Variants in HFM1 observed in about 807,000 individuals in gnomAD.
The protein encoded by HFM1 is probable ATP-dependent DNA helicase HFM1.
Under a neutral mutation model 192.1 loss-of-function variants are expected in HFM1, and 169 were observed. That is an observed-to-expected ratio of 0.88 (90% confidence interval 0.78 to 1.00). The LOEUF (loss-of-function observed/expected upper bound fraction) is 1.00, where lower values mean the gene tolerates loss of function less well. Among genes scored for constraint, HFM1 ranks in the 50% least tolerant of loss-of-function variants. The probability of loss-of-function intolerance (pLI) is 0.00; values close to 1 mark genes in which losing one functional copy is unlikely to be tolerated. For missense variants in HFM1, 1,661 were observed against 1,668.0 expected (o/e 1.00, Z 0.07); for synonymous variants, 525 against 537.8 (o/e 0.98, Z 0.33).
chr1:91,383,112 C>G (rs1489874329), intron 6 of HFM1, among the ~76,000 whole-genome samples: 1 of 152,086 alleles, frequency 6.6e-6, no homozygotes, highest in African/African-American at 2.4e-5. Context: ...GAGTTTTACA[C>G]AAAATGAACT....
At position 91,390,621 on chromosome 1, in the gene HFM1, A is replaced by T. The variant is rs951814930; in HGVS notation, c.494+3472T>A. 5.9e-5 allele frequency among the ~76,000 whole-genome samples: 9 copies of T among 152,318 alleles called. No individual in the cohort carries two copies. The East Asian group carries it at 1.3e-3, about 23-fold the overall frequency. On this transcript the variant is annotated intron_variant, in intron 4 of 38. Coordinates refer to ENST00000370425, the MANE Select transcript of HFM1 (RefSeq NM_001017975.6). The stretch of plus-strand genomic sequence containing the variant: ...GATATACCTCAAAATAATAAGAGCT[A>T]TTTATGACAGACCCACAGCCAATAT...
upstream of HFM1, among the ~76,000 whole-genome samples, chr1:91,407,352 A>G (rs1198664580): frequency 3.9e-5 from 6 of 152,184 alleles, no homozygotes; most frequent in East Asian, 1.2e-3. Flanking sequence ...AACTTAAAGT[A>G]TAAGAAAAAA....
At chr1:91,307,138 G>A (rs1302705039) in intron 30 of HFM1, among the ~76,000 whole-genome samples, 2 of 151,924 alleles carry the variant, frequency 1.3e-5, no homozygotes, top group African/African-American at 4.8e-5. Context: ...TCTTTTCTAA[G>A]AACCAAATCT....
intron 3 of HFM1, among the ~76,000 whole-genome samples, chr1:91,395,850 A>C (rs1571236043): frequency 1.3e-5 from 2 of 149,526 alleles, no homozygotes; most frequent in Non-Finnish European, 3.0e-5. Flanking sequence ...ACAGTTTATT[A>C]CTTTTTTTTT....
chr1:91,389,358 T>C (rs2102089096), intron 4 of HFM1, among the ~76,000 whole-genome samples: 1 of 152,182 alleles, frequency 6.6e-6, no homozygotes, highest in Non-Finnish European at 1.5e-5. Flanking sequence ...GACAGGGTTT[T>C]ACCATGTTGG....
intron 2 of HFM1, among the ~76,000 whole-genome samples, chr1:91,396,994 T>C (rs995661471): frequency 2.6e-5 from 4 of 152,162 alleles, no homozygotes; most frequent in Admixed American, 2.6e-4. Flanking sequence ...TCATGAACTG[T>C]ACATGAGAGG....
intron 13 of HFM1, among the ~76,000 whole-genome samples, chr1:91,365,466 C>A (rs1175319394): frequency 1.3e-5 from 2 of 151,690 alleles, no homozygotes; most frequent in East Asian, 1.9e-4. Context: ...ATGTTGTAAA[C>A]CTCAAATATG....
At chr1:91,371,023 C>G (rs1310510003) in intron 13 of HFM1, among the ~76,000 whole-genome samples, 2 of 151,476 alleles carry the variant, frequency 1.3e-5, no homozygotes, top group Non-Finnish European at 3.0e-5. Context: ...ACTTAGGAAT[C>G]CAACTTACAA....
intron 13 of HFM1, among the ~76,000 whole-genome samples, chr1:91,355,514 G>A (rs961021984): frequency 8.6e-5 from 13 of 151,590 alleles, no homozygotes; most frequent in African/African-American, 2.7e-4. Context: ...GAAAGTTAAG[G>A]GGTAAAAGAA....
Position 91,328,283 on chromosome 1 carries a change from A to T in HFM1, c.2336-3517T>A, listed in dbSNP as rs1034957621. On this transcript the variant is annotated intron_variant, in intron 20 of 38. Transcript: ENST00000370425. The stretch of plus-strand genomic sequence containing the variant: ...ACCCGCAGCTAAGCTGAGGGGGGAA[A>T]GTGGGCTTAGGACCGCCTGCCCAGG... 7.5e-6 allele frequency: 7 copies of T among 932,194 alleles called. No homozygotes were observed. The South Asian group carries it at 1.5e-4, about 20-fold the overall frequency. 57.7% of individuals were successfully genotyped at this position (932,194 alleles called of 1,614,324 possible).
chr1:91,349,353 C>T (rs796633445), intron 18 of HFM1, among the ~76,000 whole-genome samples: 24 of 152,006 alleles, frequency 1.6e-4, no homozygotes, highest in African/African-American at 4.8e-4. Context: ...TAATCCCTCT[C>T]GCCTTCATGT....
At chr1:91,391,451 A>T (rs1274658581) in intron 4 of HFM1, among the ~76,000 whole-genome samples, 2 of 152,224 alleles carry the variant, frequency 1.3e-5, no homozygotes, top group Non-Finnish European at 2.9e-5. Flanking sequence ...AATATCACAC[A>T]TCTACAACCA....
At chr1:91,333,908 C>CA (rs1654198600) in intron 20 of HFM1, among the ~76,000 whole-genome samples, 1 of 151,948 alleles carries the variant, frequency 6.6e-6, no homozygotes, top group African/African-American at 2.4e-5. Flanking sequence ...ACCTAGACGA[C>CA]AAAAAATCAG....
intron 20 of HFM1, among the ~76,000 whole-genome samples, chr1:91,327,970 G>A (rs557426470): frequency 6.6e-6 from 1 of 152,208 alleles, no homozygotes; most frequent in South Asian, 2.1e-4. Context: ...AGCAAAAGTA[G>A]TATGAAGAGG....
rs140052459 is a variant in HFM1, at chr1:91,377,814, A to G, written c.1395+211T>C. On this transcript the variant is annotated intron_variant, in intron 11 of 38. Transcript: ENST00000370425. Reference sequence around the variant, plus strand: ...TTAGATACTAGCAAACGAGATGTCCACATGTCCACAAAAAATGTTTTATTA... The same window carrying G: ...TTAGATACTAGCAAACGAGATGTCCGCATGTCCACAAAAAATGTTTTATTA... The G allele has an allele frequency of 1.5e-4, 81 of 551,168 alleles. No homozygotes were observed. The African/African-American group carries it at 1.5e-3, about 10-fold the overall frequency. The allele number at this position is 551,168 out of a possible 1,614,324, so 34.1% of individuals were successfully genotyped here.
At position 91,273,816 on chromosome 1, in the gene HFM1, CT is replaced by C; in HGVS notation, c.3669-2del. ...TTCAGATATGTTTAAATATTCTGACCTTTATAAAGATAAAACCATGAAAATG... is the reference window on the plus strand; with the variant it reads ...TTCAGATATGTTTAAATATTCTGACCTTATAAAGATAAAACCATGAAAATG... On this transcript the variant is annotated splice_acceptor_variant, in intron 33 of 38. Transcript: ENST00000370425. LOFTEE classifies it high-confidence loss of function. 6.8e-7 allele frequency: 1 copy of C among 1,477,030 alleles called. No individual in the cohort carries two copies. The highest frequency in any genetic ancestry group is 9.4e-7 in the Non-Finnish European group (1 of 1,064,470). The allele number at this position is 1,477,030 out of a possible 1,614,324, so 91.5% of individuals were successfully genotyped here.
chr1:91,371,797 G>C (rs1274472109), intron 13 of HFM1, among the ~76,000 whole-genome samples: 1 of 151,790 alleles, frequency 6.6e-6, no homozygotes, highest in Non-Finnish European at 1.5e-5. Flanking sequence ...AGAGTGAATA[G>C]GCAGCCTACA....
chr1:91,313,493 C>A lies in HFM1; in HGVS notation c.3247G>T (p.Gly1083Trp). 3 of 1,563,020 alleles carry A rather than the reference C, an allele frequency of 1.9e-6. No individual in the cohort carries two copies. In the Admixed American group the frequency reaches 5.8e-5, roughly 30 times the overall value. ...SINLISSEFV[G>W]LDIQQKLTVF... ...GTAAGTTTCTGCTGAATATCAAGCC[C>A]AACTGGAAAATGAAAAAAAAGTACA... Residue 1083 changes from glycine (G) to tryptophan (W), a missense_variant and splice_region_variant, in exon 30 of 39, where the codon GGG becomes TGG. Gly to Trp is a radical substitution (Grantham distance 184, BLOSUM62 -2). Transcript: ENST00000370425.
chr1:91,288,809 CTT>C (rs1668334070), intron 30 of HFM1, among the ~76,000 whole-genome samples: 2 of 152,222 alleles, frequency 1.3e-5, no homozygotes, highest in South Asian at 4.1e-4. Flanking sequence ...TCTGATCTCT[CTT>C]TCTTTTCCCC....
Sources: gnomAD v4.1 joint callset for allele counts (sites outside exome capture counted in the v4.1 genomes callset) on GRCh38, gnomAD v4.1.1 for gene constraint, MANE v1.5 for transcripts, NCBI Gene and HGNC (gene_info 2026-07-23, HGNC 2026-07-21) for gene names.